The following NUDCD3 variants were observed in gnomAD, a reference collection of about 807,000 sequenced individuals.
NUDCD3 encodes nudC domain-containing protein 3.
In NUDCD3, 13 loss-of-function variants were observed where a neutral mutation model predicts 39.7. That is an observed-to-expected ratio of 0.33 (90% CI 0.21 to 0.52). The LOEUF is 0.52. Among genes scored for constraint, NUDCD3 ranks in the 20% least tolerant of loss-of-function variants. The pLI is 0.96. For missense variants in NUDCD3, 453 were observed against 458.1 expected, an observed-to-expected ratio of 0.99 and a Z score of 0.10; for synonymous variants, 175 against 172.4, an observed-to-expected ratio of 1.02 and a Z score of -0.12.
At chr7:44,487,478 AAG>A (rs2116988152) in intron 1 of NUDCD3, among the ~76,000 whole-genome samples, 1 of 151,200 alleles carries the variant, frequency 6.6e-6, no homozygotes, top group South Asian at 2.1e-4. Context: ...AAAAAACCCT[AAG>A]AGGCAGATGA....
intron 1 of NUDCD3, among the ~76,000 whole-genome samples, chr7:44,487,287 T>C (rs558454640): frequency 2.6e-5 from 4 of 152,242 alleles, no homozygotes; most frequent in East Asian, 1.9e-4. Context: ...ACACCAACAC[T>C]GTACTCCCCA....
At chr7:44,438,633 AC>A (rs1184902209) in intron 2 of NUDCD3, among the ~76,000 whole-genome samples, 3 of 128,074 alleles carry the variant, frequency 2.3e-5, no homozygotes, top group African/African-American at 9.0e-5. Flanking sequence ...GCTAATCCAC[AC>A]CCCACCCTCA....
intron 2 of NUDCD3, among the ~76,000 whole-genome samples, chr7:44,463,559 C>A (rs887872501): frequency 1.3e-5 from 2 of 152,112 alleles, no homozygotes; most frequent in Non-Finnish European, 2.9e-5. Context: ...AGAAGTGATG[C>A]TGCAGAACAC....
At position 44,490,445 on chromosome 7, in the gene NUDCD3, GC is replaced by G; in HGVS notation, c.155del (p.Gly52AlafsTer65). 6.3e-7 allele frequency: 1 copy of G among 1,589,520 alleles called. No individual in the cohort carries two copies. ...RLLRHPSDRM[G>X]FPPGAAQALV... is the part of the protein sequence containing the mutation. ...AGGCCTGCGCGGCCCCGGGCGGGAA[GC>G]CCATGCGGTCCGATGGGTGGCGCAG... On this transcript the variant is annotated frameshift_variant, in exon 1 of 6. Coordinates refer to ENST00000355451, the MANE Select transcript of NUDCD3 (RefSeq NM_015332.4). LOFTEE classifies it high-confidence loss of function.
intron 2 of NUDCD3, among the ~76,000 whole-genome samples, chr7:44,442,178 T>G (rs749782249): frequency 9.2e-5 from 14 of 152,200 alleles, no homozygotes; most frequent in South Asian, 2.1e-4. Flanking sequence ...TGATGTAGAT[T>G]ATTAATACAA....
At chr7:44,479,563 TTTAAA>T (rs1478961978) in intron 2 of NUDCD3, among the ~76,000 whole-genome samples, 4 of 152,232 alleles carry the variant, frequency 2.6e-5, no homozygotes, top group Non-Finnish European at 5.9e-5. Context: ...ACTGAATTTA[TTTAAA>T]TTAAATAAGC....
At chr7:44,462,989 GTA>G (rs1310795773) in intron 2 of NUDCD3, among the ~76,000 whole-genome samples, 108 of 123,662 alleles carry the variant, frequency 8.7e-4, no homozygotes, top group African/African-American at 1.7e-3. Flanking sequence ...GTGTGTGTGT[GTA>G]TACACAAAGA....
intron 3 of NUDCD3, chr7:44,425,996 G>T: frequency 3.2e-6 from 1 of 315,516 alleles, no homozygotes; most frequent in Non-Finnish European, 4.6e-6. Flanking sequence ...CTCCAGTGGC[G>T]CAATCGGTTA....
chr7:44,480,852 G>C (rs997495265), intron 2 of NUDCD3, among the ~76,000 whole-genome samples: 1 of 150,680 alleles, frequency 6.6e-6, no homozygotes, highest in African/African-American at 2.5e-5. Context: ...TGAGGTGGGA[G>C]GCTCGCTTGA....
intron 2 of NUDCD3, among the ~76,000 whole-genome samples, chr7:44,434,425 C>T (rs1435726806): frequency 1.3e-5 from 2 of 152,214 alleles, no homozygotes; most frequent in African/African-American, 4.8e-5. Flanking sequence ...TTGCCAGATT[C>T]GTCTGTCTAG....
intron 2 of NUDCD3, chr7:44,484,361 T>A (rs1039240785): frequency 1.3e-5 from 2 of 152,314 alleles, no homozygotes; most frequent in African/African-American, 2.4e-5. Flanking sequence ...GGAAACCTCA[T>A]GTCATATTCA....
chr7:44,484,459 A>G (rs1475930792), intron 2 of NUDCD3: 1 of 153,706 alleles, frequency 6.5e-6, no homozygotes, highest in Non-Finnish European at 1.4e-5. Context: ...TATCACCTAC[A>G]TTTTATAGAG....
intron 2 of NUDCD3, among the ~76,000 whole-genome samples, chr7:44,456,855 A>C (rs1563182842): frequency 6.6e-6 from 1 of 152,174 alleles, no homozygotes; most frequent in Non-Finnish European, 1.5e-5. Flanking sequence ...AGTTCTACAG[A>C]TTCAAACTAT....
chr7:44,434,943 T>C (rs1445733398), intron 2 of NUDCD3, among the ~76,000 whole-genome samples: 2 of 152,242 alleles, frequency 1.3e-5, no homozygotes, highest in African/African-American at 2.4e-5. Context: ...ACACTCAGTA[T>C]TGCTTTCTCA....
intron 2 of NUDCD3, among the ~76,000 whole-genome samples, chr7:44,430,497 G>A (rs1799335998): frequency 6.6e-6 from 1 of 151,008 alleles, no homozygotes; most frequent in African/African-American, 2.4e-5. Flanking sequence ...TGACACTTTT[G>A]TACATACATT....
At chr7:44,488,379 C>T (rs1198603196) in intron 1 of NUDCD3, among the ~76,000 whole-genome samples, 2 of 151,466 alleles carry the variant, frequency 1.3e-5, no homozygotes, top group South Asian at 2.1e-4. Flanking sequence ...GTTCCTTAAG[C>T]GATGCTGATG....
Position 44,411,484 on chromosome 7 carries a change from C to T in NUDCD3, c.643-6901G>A, listed in dbSNP as rs1015551060. Among the ~76,000 whole-genome samples, 9 of 152,120 alleles carry T rather than the reference C, an allele frequency of 5.9e-5. No individual in the cohort carries two copies. The South Asian group carries it at 6.2e-4, about 11-fold the overall frequency. ...TGCATATGGACTTGAATAGGCATTTCGCCAAAGAAGATACACAAGTGGAAA... is the reference window on the plus strand; with the variant it reads ...TGCATATGGACTTGAATAGGCATTTTGCCAAAGAAGATACACAAGTGGAAA... On this transcript the variant is annotated intron_variant, in intron 3 of 5. Transcript: ENST00000355451.
At chr7:44,415,177 T>C (rs1253347906) in intron 3 of NUDCD3, among the ~76,000 whole-genome samples, 3 of 152,238 alleles carry the variant, frequency 2.0e-5, no homozygotes, top group African/African-American at 7.2e-5. Flanking sequence ...AATGAGAGGT[T>C]AAACTAAAAA....
intron 2 of NUDCD3, among the ~76,000 whole-genome samples, chr7:44,468,837 A>G (rs1041979398): frequency 6.6e-6 from 1 of 152,188 alleles, no homozygotes; most frequent in Non-Finnish European, 1.5e-5. Flanking sequence ...GTTAACAGGA[A>G]AAGTCAACTG....
Sources: allele counts gnomAD v4.1 joint callset (sites outside exome capture counted in the v4.1 genomes callset), GRCh38; gene constraint gnomAD v4.1.1; transcripts MANE v1.5; gene names NCBI Gene and HGNC (gene_info 2026-07-23, HGNC 2026-07-21).